The following HMGCS2 variants were observed in gnomAD, a reference collection of about 807,000 sequenced individuals.
HMGCS2 encodes hydroxymethylglutaryl-CoA synthase, mitochondrial.
Under a neutral mutation model 57.4 loss-of-function variants are expected in HMGCS2, and 50 were observed. The observed-to-expected ratio is 0.87, with a 90% CI of 0.69 to 1.10. The LOEUF (loss-of-function observed/expected upper bound fraction) is 1.10. Among genes scored for constraint, HMGCS2 ranks in the 50% least tolerant of loss-of-function variants. The probability of loss-of-function intolerance (pLI) is 0.00; values close to 1 mark genes in which losing one functional copy is unlikely to be tolerated. For missense variants in HMGCS2, 627 were observed against 636.5 expected (o/e 0.99, Z 0.16); for synonymous variants, 254 against 245.1 (o/e 1.04, Z -0.34).
chr1:119,765,607 C>G (rs1653200260), intron 1 of HMGCS2, among the ~76,000 whole-genome samples: 1 of 152,116 alleles, frequency 6.6e-6, no homozygotes, highest in Non-Finnish European at 1.5e-5. Context: ...TGGAACACTG[C>G]AAAAACTTTA....
intron 1 of HMGCS2, among the ~76,000 whole-genome samples, chr1:119,766,120 G>A (rs963244156): frequency 3.9e-5 from 6 of 152,184 alleles, no homozygotes; most frequent in African/African-American, 1.2e-4. Flanking sequence ...TATCCCTGGC[G>A]AAAATCTGTG....
rs764628597 is a variant in HMGCS2 at position 119,764,630 on chromosome 1, T to C, written c.105-4A>G. On this transcript the variant is annotated splice_region_variant and splice_polypyrimidine_tract_variant and intron_variant, in intron 1 of 9. Coordinates refer to ENST00000369406, the MANE Select transcript of HMGCS2 (RefSeq NM_005518.4). ...GACAGCAGAGGCTGTAGAAAACCTG[T>C]GATGGAGATAACAGTCAAACTCCCA... 1.9e-6 allele frequency: 3 copies of C among 1,609,720 alleles called. No individual in the cohort carries two copies. The highest frequency in any genetic ancestry group is 1.3e-5 in the African/African-American group (1 of 74,856).
intron 1 of HMGCS2, among the ~76,000 whole-genome samples, chr1:119,765,563 G>A (rs1276786797): frequency 6.6e-6 from 1 of 151,982 alleles, no homozygotes; most frequent in Non-Finnish European, 1.5e-5. Flanking sequence ...TTGGCTTGTT[G>A]TAATCTTACT....
chr1:119,748,231 T>C lies in HMGCS2; in HGVS notation c.*616A>G, dbSNP rs1295980523. Reference sequence around the variant, plus strand: ...ATTTGCCTTGTACCTGTCATAGCACTTGGCATGTGGCAGAAATAGAATGGA... The same window carrying C: ...ATTTGCCTTGTACCTGTCATAGCACCTGGCATGTGGCAGAAATAGAATGGA... On this transcript the variant is annotated 3_prime_UTR_variant, in exon 10 of 10. Transcript: ENST00000369406. 1 of 152,214 alleles carries C rather than the reference T, an allele frequency of 6.6e-6. No individual in the cohort carries two copies. The highest frequency in any genetic ancestry group is 1.5e-5 in the Non-Finnish European group (1 of 68,060). 9.4% of individuals were successfully genotyped at this position (152,214 alleles called of 1,614,324 possible).
chr1:119,763,173 G>T (rs932950430), intron 2 of HMGCS2, among the ~76,000 whole-genome samples: 5 of 152,186 alleles, frequency 3.3e-5, no homozygotes, highest in Non-Finnish European at 5.9e-5. Flanking sequence ...GCACGGTCTT[G>T]CTGCATGTAC....
chr1:119,750,925 A>G lies in HMGCS2; in HGVS notation c.1421-17T>C, dbSNP rs755145375. 4.9e-6 allele frequency: 7 copies of G among 1,427,064 alleles called. No individual in the cohort carries two copies. The Admixed American group carries it at 1.0e-4, about 20-fold the overall frequency. 88.4% of individuals were successfully genotyped at this position (1,427,064 alleles called of 1,614,324 possible). ...AGAAATTCACTGTGGAATGAGGAGA[A>G]GAGGCAGTACTCACAAAGAGTTATA... On this transcript the variant is annotated splice_polypyrimidine_tract_variant and intron_variant, in intron 8 of 9. Transcript: ENST00000369406.
intron 5 of HMGCS2, among the ~76,000 whole-genome samples, chr1:119,756,369 A>T (rs769105514): frequency 1.3e-5 from 2 of 152,134 alleles, no homozygotes; most frequent in Non-Finnish European, 2.9e-5. Flanking sequence ...ATATCTTTAT[A>T]TATTAAAGAT....
At chr1:119,757,105 A>G (rs1652867057) in intron 5 of HMGCS2, among the ~76,000 whole-genome samples, 168 bp downstream of exon 5, 1 of 152,124 alleles carries the variant, frequency 6.6e-6, no homozygotes, top group Non-Finnish European at 1.5e-5. Flanking sequence ...GGCCCTACCC[A>G]GACAATAACC....
chr1:119,766,878 G>T (rs932223797), intron 1 of HMGCS2, among the ~76,000 whole-genome samples: 1 of 152,058 alleles, frequency 6.6e-6, no homozygotes, highest in East Asian at 1.9e-4. Flanking sequence ...AAATTAACAC[G>T]GAGAGGCTTC....
intron 2 of HMGCS2, among the ~76,000 whole-genome samples, chr1:119,760,959 G>A (rs1386975959): frequency 1.3e-5 from 2 of 152,060 alleles, no homozygotes; most frequent in South Asian, 2.1e-4. Flanking sequence ...AGGATTCAGA[G>A]TCAGGACTCC....
chr1:119,757,628 A>C (rs893225042), intron 4 of HMGCS2, among the ~76,000 whole-genome samples, 190 bp from the exon 5 acceptor site: 1 of 152,224 alleles, frequency 6.6e-6, no homozygotes, highest in Non-Finnish European at 1.5e-5. Context: ...GAATAAGGAA[A>C]GAAGGGAAAG....
intron 9 of HMGCS2, among the ~76,000 whole-genome samples, chr1:119,749,887 C>A (rs1571028126): frequency 6.6e-6 from 1 of 152,020 alleles, no homozygotes; most frequent in South Asian, 2.1e-4. Context: ...TAAAATAAAT[C>A]TCTTCTCACT....
Position 119,768,806 on chromosome 1 carries a change from T to C in HMGCS2, c.39A>G (p.Gln13=), listed in dbSNP as rs759067886. The C allele has an allele frequency of 4.3e-5, 70 of 1,614,002 alleles. No individual in the cohort carries two copies. Among genetic ancestry groups the C allele is most frequent in the Non-Finnish European group, 5.9e-5 (70 of 1,179,992 alleles). The change falls in exon 1 of 10, where the codon CAA becomes CAG. Residue 13 remains glutamine, a synonymous_variant. Transcript: ENST00000369406. ...AGGTTTCCTGCACCGCTCTTGTCAG[T>C]TGCAGAATGCGCTTCACTGGAGTCA... ...RLLTPVKRIL[Q]LTRAVQETSL... is the part of the protein sequence containing the mutation.
At chr1:119,768,236 AG>A (rs1653304138) in intron 1 of HMGCS2, among the ~76,000 whole-genome samples, 2 of 152,232 alleles carry the variant, frequency 1.3e-5, no homozygotes, top group Non-Finnish European at 2.9e-5. Flanking sequence ...CTTCTTGCAA[AG>A]AGCATGTACA....
At chr1:119,750,761 G>A (rs1166842333) in intron 9 of HMGCS2, 36 bp downstream of exon 9, 1 of 1,330,774 alleles carries the variant, frequency 7.5e-7, no homozygotes, top group Non-Finnish European at 1.1e-6. Context: ...AAGACATTAG[G>A]GTTTTATGCC....
intron 6 of HMGCS2, among the ~76,000 whole-genome samples, chr1:119,754,634 A>G (rs1325903069): frequency 2.7e-5 from 4 of 147,744 alleles, no homozygotes; most frequent in Middle Eastern, 3.3e-3. Context: ...TCATAAAAAC[A>G]GTAGAACACA....
intron 6 of HMGCS2, among the ~76,000 whole-genome samples, chr1:119,754,013 T>A (rs967586230): frequency 1.1e-4 from 16 of 151,324 alleles, no homozygotes; most frequent in South Asian, 2.1e-4. Context: ...GGATTCAGGA[T>A]CCTGAGTAGC....
intron 6 of HMGCS2, among the ~76,000 whole-genome samples, chr1:119,754,193 A>G (rs1557989270): frequency 6.6e-6 from 1 of 151,910 alleles, no homozygotes; most frequent in Admixed American, 6.6e-5. Context: ...AGTTGCTGGG[A>G]CTACAGGCAC....
At chr1:119,755,023 A>T (rs1652789130) in intron 6 of HMGCS2, among the ~76,000 whole-genome samples, 1 of 150,678 alleles carries the variant, frequency 6.6e-6, no homozygotes, top group Non-Finnish European at 1.5e-5. Flanking sequence ...TTTTATATTT[A>T]TTTATTTATT....
Sources: allele counts gnomAD v4.1 joint callset (sites outside exome capture counted in the v4.1 genomes callset), GRCh38; gene constraint gnomAD v4.1.1; transcripts MANE v1.5; gene names NCBI Gene and HGNC (gene_info 2026-07-23, HGNC 2026-07-21).